DPH6: variants seen among roughly 807,000 people sequenced by gnomAD.
DPH6 encodes diphthine--ammonia ligase.
A neutral mutation model predicts 38.2 loss-of-function variants in DPH6; 33 were observed. The ratio of observed to expected loss-of-function variants is 0.86; its 90% CI spans 0.65 to 1.15. DPH6 has a LOEUF of 1.15. Ranked by LOEUF, DPH6 falls within the 50% of genes most tolerant of loss-of-function variation. The probability of loss-of-function intolerance (pLI) is 0.00; values close to 1 mark genes in which losing one functional copy is unlikely to be tolerated. For synonymous variants in DPH6, 108 were observed against 103.0 expected, an observed-to-expected ratio of 1.05 and a Z score of -0.30; for missense variants, 325 against 320.0, an observed-to-expected ratio of 1.02 and a Z score of -0.12.
intron 3 of DPH6, among the ~76,000 whole-genome samples, chr15:35,257,295 G>A (rs1346067455): frequency 6.6e-6 from 1 of 152,108 alleles, no homozygotes; most frequent in Non-Finnish European, 1.5e-5. Flanking sequence ...TTCTCAGGGA[G>A]GGTAAAAAGT....
chr15:35,545,632 C>G (rs2055336134), intron 1 of DPH6, among the ~76,000 whole-genome samples: 1 of 152,158 alleles, frequency 6.6e-6, no homozygotes, highest in Admixed American at 6.5e-5. Flanking sequence ...GGGAGGAAGC[C>G]AGGCTGCGGC....
chr15:35,242,017 G>A lies in DPH6; in HGVS notation n.201-21435C>T, dbSNP rs1171373200. Among the ~76,000 whole-genome samples, 13 of 143,930 alleles carry A rather than the reference G, an allele frequency of 9.0e-5. 1 individual carries two copies. Among genetic ancestry groups the A allele is most frequent in the African/African-American group, 3.3e-4 (13 of 39,604 alleles). The allele number at this position is 143,930 out of a possible 152,430, so 94.4% of individuals were successfully genotyped here. A position where few individuals can be genotyped will look rare whatever the true frequency, so the allele number is the denominator to read the frequency against. ...CTCCACAATCCATTATTCTGTTCTGGATCTCAAACGTGCTTTCTTTACTAT... is the reference window on the plus strand; with the variant it reads ...CTCCACAATCCATTATTCTGTTCTGAATCTCAAACGTGCTTTCTTTACTAT... On this transcript the variant is annotated intron_variant and non_coding_transcript_variant, in intron 3 of 3. Coordinates refer to the DPH6 transcript ENST00000560386.
At position 35,293,989 on chromosome 15, in the gene DPH6, T is replaced by C. The variant is rs189429711; in HGVS notation, n.201-73407A>G. On this transcript the variant is annotated intron_variant and non_coding_transcript_variant, in intron 3 of 3. Transcript: ENST00000560386. ...CCTCTAGCCTCTAAGTCCTACTCAG[T>C]AGGGAGAGAGCTTCACATCTCAGCC... Among the ~76,000 whole-genome samples, 19 of 152,310 alleles carry C rather than the reference T, an allele frequency of 1.2e-4. No homozygotes were observed. In the East Asian group the frequency reaches 3.7e-3, roughly 29 times the overall value.
chr15:35,437,866 A>G (rs989064226), intron 5 of DPH6, among the ~76,000 whole-genome samples: 1 of 152,204 alleles, frequency 6.6e-6, no homozygotes, highest in Non-Finnish European at 1.5e-5. Flanking sequence ...ATGGCAGCCT[A>G]GGTTCAGTCC....
chr15:35,238,447 T>C (rs115642233), intron 3 of DPH6, among the ~76,000 whole-genome samples: 4,143 of 152,242 alleles, frequency 0.027, 183 homozygotes, highest in African/African-American at 0.095. Context: ...ATGCAAATAG[T>C]ACACCACCTT....
At chr15:35,347,524 C>A (rs1375160427) in intron 3 of DPH6, among the ~76,000 whole-genome samples, 1 of 150,656 alleles carries the variant, frequency 6.6e-6, no homozygotes, top group Non-Finnish European at 1.5e-5. Context: ...TTTCTTTAAC[C>A]ATTCATCTGT....
At chr15:35,415,202 T>C (rs982858746) in intron 5 of DPH6, among the ~76,000 whole-genome samples, 3 of 152,018 alleles carry the variant, frequency 2.0e-5, no homozygotes, top group East Asian at 3.9e-4. Context: ...AGCATGAATA[T>C]ACAAGGTCAG....
At chr15:35,276,396 T>G (rs1396422215) in intron 3 of DPH6, among the ~76,000 whole-genome samples, 2 of 152,258 alleles carry the variant, frequency 1.3e-5, no homozygotes, top group African/African-American at 4.8e-5. Flanking sequence ...CTGTTTACTC[T>G]GCTGACTGTT....
the DPH6 span, among the ~76,000 whole-genome samples, chr15:35,159,436 T>G: frequency 6.6e-6 from 1 of 151,840 alleles, no homozygotes; most frequent in Non-Finnish European, 1.5e-5. Context: ...GACATACAAG[T>G]GGCCAAGAAA....
intron 3 of DPH6, among the ~76,000 whole-genome samples, chr15:35,241,774 C>T (rs1234591648): frequency 7.0e-6 from 1 of 143,120 alleles, no homozygotes; most frequent in African/African-American, 2.5e-5. Context: ...TCTCATCCCA[C>T]AGCATGCTTT....
At chr15:35,306,066 A>T (rs1004009736) in intron 3 of DPH6, among the ~76,000 whole-genome samples, 1 of 152,108 alleles carries the variant, frequency 6.6e-6, no homozygotes, top group Non-Finnish European at 1.5e-5. Context: ...CCTCTTCAAG[A>T]CTGTCAGACA....
chr15:35,200,715 A>G, the DPH6 span, among the ~76,000 whole-genome samples: 1 of 151,896 alleles, frequency 6.6e-6, no homozygotes, highest in South Asian at 2.1e-4. Flanking sequence ...ACATCCATGC[A>G]TCTGTTCATG....
chr15:35,160,404 C>T, the DPH6 span, among the ~76,000 whole-genome samples: 109 of 152,024 alleles, frequency 7.2e-4, no homozygotes, highest in African/African-American at 2.4e-3. Flanking sequence ...CAGCATTCTC[C>T]TTCTAGCTAT....
intron 3 of DPH6, among the ~76,000 whole-genome samples, chr15:35,352,940 CTGT>C (rs1226057425): frequency 6.6e-6 from 1 of 152,176 alleles, no homozygotes; most frequent in Non-Finnish European, 1.5e-5. Flanking sequence ...TCTCCAGCAC[CTGT>C]TGTTTCCTGA....
At position 35,546,113 on chromosome 15, in the gene DPH6, C is replaced by A; in HGVS notation, c.23+6G>T. ...GAGGAAGGAGGCGGCTCCAGGACCG[C>A]ATTACCTGATCAGAGCCGCGACCCT... On this transcript the variant is annotated splice_donor_region_variant and intron_variant, in intron 1 of 8. Coordinates refer to ENST00000256538, the MANE Select transcript of DPH6 (RefSeq NM_080650.4). 7.1e-7 allele frequency: 1 copy of A among 1,407,786 alleles called. No homozygotes were observed. Among genetic ancestry groups the A allele is most frequent in the East Asian group, 3.0e-5 (1 of 32,920 alleles). 87.2% of individuals were successfully genotyped at this position (1,407,786 alleles called of 1,614,324 possible). A position where few individuals can be genotyped will look rare whatever the true frequency, so the allele number is the denominator to read the frequency against.
intron 3 of DPH6, chr15:35,282,889 C>T (rs189024507): frequency 8.7e-6 from 3 of 343,672 alleles, no homozygotes; most frequent in East Asian, 7.0e-5. Flanking sequence ...CGGGGGGTTC[C>T]ACCATATAGA....
intron 3 of DPH6, among the ~76,000 whole-genome samples, chr15:35,224,224 A>G (rs1374759760): frequency 6.7e-6 from 1 of 148,280 alleles, no homozygotes; most frequent in Non-Finnish European, 1.5e-5. Flanking sequence ...CTCCTGCCTC[A>G]GTCTCCAGAG....
chr15:35,515,837 G>T (rs1192488767), intron 3 of DPH6, among the ~76,000 whole-genome samples: 1 of 151,830 alleles, frequency 6.6e-6, no homozygotes, highest in African/African-American at 2.4e-5. Flanking sequence ...TTTTGAGGCT[G>T]CAGTGAATTA....
At chr15:35,485,940 T>C (rs750619534) in intron 3 of DPH6, among the ~76,000 whole-genome samples, 1 of 152,252 alleles carries the variant, frequency 6.6e-6, no homozygotes, top group Non-Finnish European at 1.5e-5. Flanking sequence ...CAGAAATTAC[T>C]AACTAGCTTA....
Sources: gnomAD v4.1 joint callset for allele counts (sites outside exome capture counted in the v4.1 genomes callset) on GRCh38, gnomAD v4.1.1 for gene constraint, MANE v1.5 for transcripts, NCBI Gene and HGNC (gene_info 2026-07-23, HGNC 2026-07-21) for gene names.